PREX1: variants seen among roughly 807,000 people sequenced by gnomAD.
PREX1 encodes phosphatidylinositol-3,4,5-trisphosphate dependent Rac exchange factor 1, also known as phosphatidylinositol 3,4,5-trisphosphate-dependent Rac exchanger 1 protein.
A neutral mutation model predicts 198.3 loss-of-function variants in PREX1; 41 were observed. The observed-to-expected ratio is 0.21, with a 90% CI of 0.16 to 0.27. PREX1 has a LOEUF of 0.27. PREX1 is among the 10% of genes least tolerant of loss of function. PREX1 has a pLI of 1.00. For missense variants in PREX1, 1,620 were observed against 2,200.7 expected (o/e 0.74, Z 5.28); for synonymous variants, 843 against 887.2 (o/e 0.95, Z 0.89).
At chr20:48,789,111 G>A (rs1337386524) in intron 1 of PREX1, among the ~76,000 whole-genome samples, 1 of 152,186 alleles carries the variant, frequency 6.6e-6, no homozygotes, top group Admixed American at 6.5e-5. Flanking sequence ...GCCCCACCAT[G>A]CAAGGATTAA....
At position 48,666,090 on chromosome 20, in the gene PREX1, C is replaced by T. The variant is rs1364223845; in HGVS notation, c.1738+193G>A. ...CCATGTCCTTCCAGCCATTTTGGTCCCCAGTGGACACCAGAAGCCATTTCT... is the reference window on the plus strand; with the variant it reads ...CCATGTCCTTCCAGCCATTTTGGTCTCCAGTGGACACCAGAAGCCATTTCT... On this transcript the variant is annotated intron_variant, in intron 15 of 39. Transcript: ENST00000371941. The surrounding 1 kb of genome is among the most constrained non-coding windows in gnomAD (Gnocchi z 4.3). Among the ~76,000 whole-genome samples the T allele has an allele frequency of 1.3e-5, 2 of 152,144 alleles. No homozygotes were observed. Among genetic ancestry groups the T allele is most frequent in the African/African-American group, 4.8e-5 (2 of 41,422 alleles).
the PREX1 span, among the ~76,000 whole-genome samples, chr20:48,861,357 C>T: frequency 1.3e-5 from 2 of 152,198 alleles, no homozygotes; most frequent in Non-Finnish European, 2.9e-5. Flanking sequence ...ATATCTGACC[C>T]CAGACATGTC....
the PREX1 span, among the ~76,000 whole-genome samples, chr20:48,833,902 T>C: frequency 1.5e-4 from 23 of 152,104 alleles, no homozygotes; most frequent in Admixed American, 5.9e-4. Flanking sequence ...GCTAACACGG[T>C]GAAACCCCAT....
chr20:48,814,115 C>T (rs977138900), intron 1 of PREX1, among the ~76,000 whole-genome samples: 8 of 152,204 alleles, frequency 5.3e-5, no homozygotes, highest in African/African-American at 1.7e-4. Flanking sequence ...TGCCCCTACA[C>T]GTGGGTTCAT....
At chr20:48,711,099 A>G (rs1488650647) in intron 5 of PREX1, among the ~76,000 whole-genome samples, 1 of 152,236 alleles carries the variant, frequency 6.6e-6, no homozygotes, top group Non-Finnish European at 1.5e-5. Context: ...CAGTGAATAT[A>G]AAGTGGGAAG....
chr20:48,859,613 A>T, the PREX1 span, among the ~76,000 whole-genome samples: 1 of 152,236 alleles, frequency 6.6e-6, no homozygotes, highest in Non-Finnish European at 1.5e-5. Flanking sequence ...TAGGAATGTA[A>T]AATGGTACAG....
intron 20 of PREX1, 80 bp from the exon 21 acceptor site, chr20:48,652,786 C>T (rs1305812664): frequency 2.0e-6 from 3 of 1,474,416 alleles, no homozygotes; most frequent in South Asian, 1.3e-5. Flanking sequence ...GTGAACTGCC[C>T]CTGGGTTCCA....
At position 48,827,833 on chromosome 20, in the gene PREX1, C is replaced by A; in HGVS notation, c.28G>T (p.Gly10Cys). Residue 10 changes from glycine (G) to cysteine (C), a missense_variant, in exon 1 of 40, where the codon GGC becomes TGC. By Grantham distance (159) the Gly-to-Cys change is radical. This residue lies in a region of PREX1 where 96 missense variants were observed against 98.7 expected (regional missense o/e 0.97). Coordinates refer to ENST00000371941, the MANE Select transcript of PREX1 (RefSeq NM_020820.4). The surrounding 1 kb of genome is among the most constrained non-coding windows in gnomAD (Gnocchi z 4.1). Reference protein sequence around the residue: MEAPSGSEPGGDGAGDCAHP... With the variant: MEAPSGSEPCGDGAGDCAHP... ...GCGCAGTCCCCGGCCCCGTCGCCGC[C>A]GGGCTCGCTGCCGCTGGGCGCCTCC... The A allele has an allele frequency of 1.0e-6, 1 of 992,138 alleles. No homozygotes were observed. Among genetic ancestry groups the A allele is most frequent in the South Asian group, 4.5e-5 (1 of 22,076 alleles). The allele number at this position is 992,138 out of a possible 1,614,324, so 61.5% of individuals were successfully genotyped here.
At chr20:48,823,006 G>A (rs1316920952) in intron 1 of PREX1, among the ~76,000 whole-genome samples, 2 of 152,084 alleles carry the variant, frequency 1.3e-5, no homozygotes, top group Non-Finnish European at 2.9e-5. Context: ...AAAAAATAGT[G>A]ACAACAAAAA....
At chr20:48,704,659 G>A (rs754423839) in intron 6 of PREX1, among the ~76,000 whole-genome samples, 2 of 151,936 alleles carry the variant, frequency 1.3e-5, no homozygotes, top group Non-Finnish European at 2.9e-5. Flanking sequence ...AGGTTCAAGC[G>A]ATTCTCCTGC....
At chr20:48,715,891 T>C (rs2123105599) in intron 5 of PREX1, among the ~76,000 whole-genome samples, 1 of 152,314 alleles carries the variant, frequency 6.6e-6, no homozygotes, top group East Asian at 1.9e-4. Context: ...CATCCCACTC[T>C]ATATATAAGG....
chr20:48,805,401 ACAC>A (rs1293028308), intron 1 of PREX1, among the ~76,000 whole-genome samples: 1 of 152,264 alleles, frequency 6.6e-6, no homozygotes, highest in Non-Finnish European at 1.5e-5. Flanking sequence ...CAGGCTGCAG[ACAC>A]CACGTGCTCT....
At chr20:48,668,207 A>G (rs2089652175) in intron 14 of PREX1, among the ~76,000 whole-genome samples, 1 of 152,164 alleles carries the variant, frequency 6.6e-6, no homozygotes, top group Non-Finnish European at 1.5e-5. Flanking sequence ...AGCAGAGGAA[A>G]CAGCAGGGGC....
intron 14 of PREX1, among the ~76,000 whole-genome samples, chr20:48,668,264 G>C (rs1031058582): frequency 1.3e-5 from 2 of 152,204 alleles, no homozygotes; most frequent in African/African-American, 2.4e-5. Flanking sequence ...GGAACCAGAA[G>C]GCAGCACGGC....
chr20:48,773,662 G>A (rs2090247662), intron 1 of PREX1, among the ~76,000 whole-genome samples: 1 of 152,214 alleles, frequency 6.6e-6, no homozygotes, highest in South Asian at 2.1e-4. Flanking sequence ...GAACAGCAAG[G>A]AAAGCTGAGA....
chr20:48,682,436 T>TC (rs916292809), intron 10 of PREX1, among the ~76,000 whole-genome samples: 6 of 152,254 alleles, frequency 3.9e-5, no homozygotes, highest in African/African-American at 7.2e-5. Context: ...ATTGGCCATC[T>TC]CCCCCAACCA....
chr20:48,783,963 C>T (rs944543180), intron 1 of PREX1, among the ~76,000 whole-genome samples: 18 of 152,112 alleles, frequency 1.2e-4, no homozygotes, highest in African/African-American at 2.9e-4. Flanking sequence ...ACAAGGTGAA[C>T]GGAAAGCAAA....
chr20:48,770,193 C>G (rs560818328), intron 1 of PREX1, among the ~76,000 whole-genome samples: 26 of 152,306 alleles, frequency 1.7e-4, no homozygotes, highest in African/African-American at 5.8e-4. Flanking sequence ...TAAGAATTAC[C>G]TGTCAAGCTT....
chr20:48,656,408 T>C (rs2089543457), intron 18 of PREX1: 3 of 338,842 alleles, frequency 8.9e-6, no homozygotes, highest in South Asian at 5.0e-5. Flanking sequence ...CATGGGTCCT[T>C]GCCAGGGGCC....
Sources: allele counts gnomAD v4.1 joint callset (sites outside exome capture counted in the v4.1 genomes callset), GRCh38; gene constraint gnomAD v4.1.1; regional missense constraint gnomAD v4.1.1; non-coding constraint Gnocchi (gnomAD v3.1); transcripts MANE v1.5; gene names NCBI Gene and HGNC (gene_info 2026-07-23, HGNC 2026-07-21).